The following CDH13 variants were observed in gnomAD, a reference collection of about 807,000 sequenced individuals.
CDH13 encodes the protein cadherin-13.
In CDH13, 24 loss-of-function variants were observed where a neutral mutation model predicts 63.8. The observed-to-expected ratio is 0.38, with a 90% CI of 0.27 to 0.53. CDH13 has a LOEUF of 0.53. Ranked by LOEUF, CDH13 falls within the 20% of genes least tolerant of loss-of-function variation. CDH13 has a pLI of 0.85. For synonymous variants in CDH13, 503 were observed against 355.3 expected (o/e 1.42, Z -4.67); for missense variants, 1,049 against 903.1 (o/e 1.16, Z -2.07).
At chr16:83,522,736 G>A (rs1461968122) in intron 7 of CDH13, among the ~76,000 whole-genome samples, 1 of 152,178 alleles carries the variant, frequency 6.6e-6, no homozygotes, top group Admixed American at 6.5e-5. Flanking sequence ...TCCAGGTGGT[G>A]ACAGGTGGCA....
At chr16:83,702,693 G>T (rs560042961) in intron 10 of CDH13, among the ~76,000 whole-genome samples, 1 of 152,292 alleles carries the variant, frequency 6.6e-6, no homozygotes, top group East Asian at 1.9e-4. Context: ...TGTGCCTTGG[G>T]TCTCTTATCC....
At chr16:83,340,179 A>G (rs1042964885) in intron 5 of CDH13, among the ~76,000 whole-genome samples, 2 of 152,230 alleles carry the variant, frequency 1.3e-5, no homozygotes, top group Non-Finnish European at 2.9e-5. Flanking sequence ...ATTTTTAAGC[A>G]TTCAGCATGC....
chr16:83,416,491 T>A (rs1393871145), intron 6 of CDH13, among the ~76,000 whole-genome samples: 1 of 152,214 alleles, frequency 6.6e-6, no homozygotes, highest in African/African-American at 2.4e-5. Context: ...CTTGTGCCTC[T>A]CATGTTTAAG....
chr16:83,467,353 G>C (rs2073341843), intron 6 of CDH13, among the ~76,000 whole-genome samples: 1 of 152,070 alleles, frequency 6.6e-6, no homozygotes, highest in Admixed American at 6.6e-5. Flanking sequence ...TGTAAATCCA[G>C]CAAGCCCATG....
intron 1 of CDH13, among the ~76,000 whole-genome samples, chr16:82,680,332 C>G (rs1350666941): frequency 2.0e-5 from 3 of 152,180 alleles, no homozygotes; most frequent in African/African-American, 7.2e-5. Flanking sequence ...TCGAGGCACC[C>G]TCATTCACAT....
chr16:82,831,842 T>C (rs1386336999), intron 1 of CDH13, among the ~76,000 whole-genome samples: 1 of 152,166 alleles, frequency 6.6e-6, no homozygotes, highest in Non-Finnish European at 1.5e-5. Context: ...GACCCAAGAC[T>C]TTGTGGAATG....
At chr16:82,748,586 A>G (rs1445361338) in intron 1 of CDH13, among the ~76,000 whole-genome samples, 5 of 149,896 alleles carry the variant, frequency 3.3e-5, no homozygotes, top group South Asian at 2.2e-4. Flanking sequence ...TGAGTGAGCA[A>G]TGTGATGAAG....
At chr16:82,814,467 G>A (rs186555205) in intron 1 of CDH13, among the ~76,000 whole-genome samples, 82 of 152,200 alleles carry the variant, frequency 5.4e-4, no homozygotes, top group Non-Finnish European at 1.6e-4. Context: ...ATACTCAATC[G>A]TGCCTATGTA....
rs138716712 is a variant in CDH13, at chr16:83,299,827, G to C, written c.637-45035G>C. 9.2e-5 allele frequency among the ~76,000 whole-genome samples: 14 copies of C among 152,278 alleles called. No homozygotes were observed. The East Asian group carries it at 1.9e-3, about 21-fold the overall frequency. ...TTAGTGGCTGAAAACAGTACATAAT[G>C]ATGAGCTCACAGCTTAGTGAGATCA... On this transcript the variant is annotated intron_variant, in intron 5 of 13. Coordinates refer to ENST00000567109, the MANE Select transcript of CDH13 (RefSeq NM_001257.5).
At chr16:83,045,205 G>T (rs1484096926) in intron 3 of CDH13, among the ~76,000 whole-genome samples, 1 of 152,134 alleles carries the variant, frequency 6.6e-6, no homozygotes, top group Non-Finnish European at 1.5e-5. Context: ...AACTCCCAGA[G>T]AAATTTTAGG....
intron 11 of CDH13, among the ~76,000 whole-genome samples, chr16:83,752,665 G>T (rs931977945): frequency 2.6e-5 from 4 of 152,144 alleles, no homozygotes; most frequent in Admixed American, 1.3e-4. Flanking sequence ...TCAACATTCA[G>T]CATACACCTG....
At chr16:83,311,757 C>G (rs2151886103) in intron 5 of CDH13, among the ~76,000 whole-genome samples, 1 of 152,300 alleles carries the variant, frequency 6.6e-6, no homozygotes, top group South Asian at 2.1e-4. Context: ...CCAGCTTGGA[C>G]AAATTCTACG....
At chr16:83,059,461 C>T (rs908871264) in intron 3 of CDH13, among the ~76,000 whole-genome samples, 6 of 152,154 alleles carry the variant, frequency 3.9e-5, no homozygotes, top group African/African-American at 1.4e-4. Context: ...CTGTCCAGTG[C>T]AGCTGCTGCT....
At position 83,171,625 on chromosome 16, in the gene CDH13, G is replaced by A. The variant is rs116432619; in HGVS notation, c.484-45720G>A. On this transcript the variant is annotated intron_variant, in intron 4 of 13. Coordinates refer to ENST00000567109, the MANE Select transcript of CDH13 (RefSeq NM_001257.5). ...TCTCTATCTTCATTTCCTTGTTTGT[G>A]TCTCCAATTTCCTATATGCCATCAG... 740 of 1,404,386 alleles carry A rather than the reference G, an allele frequency of 5.3e-4. 3 individuals carry two copies. In the African/African-American group the frequency reaches 7.8e-3, roughly 15 times the overall value. The allele number at this position is 1,404,386 out of a possible 1,614,324, so 87.0% of individuals were successfully genotyped here.
At chr16:83,235,141 G>A (rs1210748306) in intron 5 of CDH13, among the ~76,000 whole-genome samples, 1 of 152,182 alleles carries the variant, frequency 6.6e-6, no homozygotes, top group Admixed American at 6.5e-5. Flanking sequence ...GGAGTTCAAG[G>A]CTGCGGTGAA....
intron 5 of CDH13, among the ~76,000 whole-genome samples, chr16:83,341,435 T>A (rs2090720075): frequency 6.6e-6 from 1 of 152,188 alleles, no homozygotes; most frequent in South Asian, 2.1e-4. Flanking sequence ...GGTATGTGAT[T>A]GGGTGGATAA....
chr16:82,809,027 T>A (rs1327778993), intron 1 of CDH13, among the ~76,000 whole-genome samples: 1 of 152,176 alleles, frequency 6.6e-6, no homozygotes, highest in Non-Finnish European at 1.5e-5. Flanking sequence ...TATATATGAT[T>A]GTGAACATGC....
At chr16:83,580,446 A>AG in intron 7 of CDH13, among the ~76,000 whole-genome samples, 1 of 101,196 alleles carries the variant, frequency 9.9e-6, no homozygotes, top group Non-Finnish European at 2.0e-5. Flanking sequence ...ATTTCTGTTC[A>AG]TTTCTCTCTC....
intron 2 of CDH13, among the ~76,000 whole-genome samples, chr16:83,020,939 T>C (rs960519064): frequency 2.0e-5 from 3 of 152,224 alleles, no homozygotes; most frequent in African/African-American, 7.2e-5. Context: ...AAAGTTGCAG[T>C]GGAGTAAAGC....
Sources: gnomAD v4.1 joint callset for allele counts (sites outside exome capture counted in the v4.1 genomes callset) on GRCh38, gnomAD v4.1.1 for gene constraint, MANE v1.5 for transcripts, NCBI Gene and HGNC (gene_info 2026-07-23, HGNC 2026-07-21) for gene names.